Variants in SPRY3 observed in about 807,000 individuals in gnomAD.
The protein encoded by SPRY3 is sprouty RTK signaling antagonist 3.
In SPRY3, 15 loss-of-function variants were observed where a neutral mutation model predicts 20.2. That is an observed-to-expected ratio of 0.74 (90% confidence interval 0.50 to 1.14). SPRY3 has a LOEUF of 1.14. SPRY3 is among the 50% of genes most tolerant of loss of function. SPRY3 has a pLI of 0.00. For synonymous variants in SPRY3, 143 were observed against 136.5 expected (o/e 1.05, Z -0.33); for missense variants, 364 against 363.9 (o/e 1.00, Z 0.00).
chrX:155,715,288 G>C (rs1032609394), intron 2 of SPRY3, among the ~76,000 whole-genome samples: 6 of 152,066 alleles, frequency 3.9e-5, no homozygotes, highest in Non-Finnish European at 1.5e-5. Flanking sequence ...TAGTCAGCAG[G>C]TGATAAATCC....
intron 2 of SPRY3, among the ~76,000 whole-genome samples, chrX:155,764,473 A>C (rs2091316705): frequency 6.6e-6 from 1 of 152,176 alleles, no homozygotes; most frequent in South Asian, 2.1e-4. Flanking sequence ...GTTGTCTTTT[A>C]GAAACAAAAC....
intron 1 of SPRY3, among the ~76,000 whole-genome samples, chrX:155,653,258 T>C (rs1480828732): frequency 3.6e-5 from 4 of 111,914 alleles, no homozygotes; most frequent in African/African-American, 9.7e-5. Context: ...ATGAAGTCCA[T>C]TTTATGGTTT....
chrX:155,773,976 T>C (rs1246020263), exon 4 of SPRY3: 1 of 1,613,966 alleles, frequency 6.2e-7, no homozygotes, highest in Non-Finnish European at 8.5e-7. Flanking sequence ...CAGCCCCCTG[T>C]AAACAGGCCC....
At position 155,730,615 on chromosome X, in the gene SPRY3, CT is replaced by C. The variant is rs1399740638; in HGVS notation, c.-281-37340del. 2.0e-5 allele frequency among the ~76,000 whole-genome samples: 3 copies of C among 151,888 alleles called. No homozygotes were observed. The East Asian group carries it at 5.8e-4, about 29-fold the overall frequency. On this transcript the variant is annotated intron_variant, in intron 2 of 3. Coordinates refer to ENST00000675360, the Ensembl canonical transcript of SPRY3. The stretch of plus-strand genomic sequence containing the variant: ...TGGGGATCAGAACATGACAAGGATG[CT>C]TTTTTTCACCACTGTTACTAACGTA...
chrX:155,656,956 G>A (rs1320053987), exon 2 of SPRY3, among the ~76,000 whole-genome samples: 5 of 111,720 alleles, frequency 4.5e-5, no homozygotes, highest in South Asian at 3.8e-4. Context: ...ATTGCTGCCT[G>A]TTCCTTCCTC....
intron 2 of SPRY3, among the ~76,000 whole-genome samples, chrX:155,686,482 T>C (rs2068088364): frequency 8.9e-6 from 1 of 111,919 alleles, no homozygotes; most frequent in Non-Finnish European, 1.9e-5. Context: ...GTCTGAGGCG[T>C]AGGTGAAGAT....
intron 1 of SPRY3, among the ~76,000 whole-genome samples, chrX:155,644,150 A>G (rs1191053604): frequency 9.0e-6 from 1 of 110,716 alleles, no homozygotes; most frequent in Non-Finnish European, 1.9e-5. Flanking sequence ...CAGATATACT[A>G]TTCTAGGGTG....
Position 155,767,961 on chromosome X carries a change from G to C in SPRY3, c.-281-1G>C, listed in dbSNP as rs1173367216. 2 of 151,690 alleles carry C rather than the reference G, an allele frequency of 1.3e-5. No homozygotes were observed. Among genetic ancestry groups the C allele is most frequent in the East Asian group, 2.0e-4 (1 of 5,116 alleles). The allele number at this position is 151,690 out of a possible 1,614,324, so 9.4% of individuals were successfully genotyped here. ...TTTGTGTTTTCTCTGCTGTGTCAAA[G>C]AACAAGACAGAACTATCTCTGTTTC... On this transcript the variant is annotated splice_acceptor_variant, in intron 2 of 3. Transcript: ENST00000675360. LOFTEE classifies it low-confidence loss of function (5UTR_SPLICE).
Position 155,643,576 on chromosome X carries a change from A to AT in SPRY3, c.-440-13282dup, listed in dbSNP as rs781924258. ...TCCTTTCTTTCTTTTAGTGAAGGTGATTTTTTTTTCTGCTGGTATTATTTA... is the reference window on the plus strand; with the variant it reads ...TCCTTTCTTTCTTTTAGTGAAGGTGATTTTTTTTTTCTGCTGGTATTATTTA... On this transcript the variant is annotated intron_variant, in intron 1 of 3. Coordinates refer to ENST00000675360, the Ensembl canonical transcript of SPRY3. Among the ~76,000 whole-genome samples, 196 of 108,275 alleles carry AT rather than the reference A, an allele frequency of 1.8e-3. 1 individual carries two copies. The highest frequency in any genetic ancestry group is 6.2e-3 in the African/African-American group (184 of 29,804). The allele number at this position is 108,275 out of a possible 115,157, so 94.0% of individuals were successfully genotyped here.
chrX:155,769,274 T>C (rs1334277069), intron 3 of SPRY3, among the ~76,000 whole-genome samples: 3 of 152,020 alleles, frequency 2.0e-5, no homozygotes, highest in South Asian at 2.1e-4. Flanking sequence ...AGTTGAGGAG[T>C]TGAGTAGTGA....
chrX:155,721,806 A>T (rs1403595335), intron 2 of SPRY3, among the ~76,000 whole-genome samples: 1 of 152,176 alleles, frequency 6.6e-6, no homozygotes. Flanking sequence ...AAGAAATGCT[A>T]AACAGGGTAA....
At chrX:155,735,561 G>A (rs1317063240) in intron 2 of SPRY3, among the ~76,000 whole-genome samples, 3 of 151,880 alleles carry the variant, frequency 2.0e-5, no homozygotes, top group Admixed American at 2.0e-4. Context: ...ATTATGTAAT[G>A]GCCATTTTTA....
intron 2 of SPRY3, among the ~76,000 whole-genome samples, chrX:155,735,290 G>T (rs1458905315): frequency 2.6e-5 from 4 of 151,902 alleles, no homozygotes. Context: ...CTTGATAAAT[G>T]TTCCACATTT....
At chrX:155,649,696 T>C (rs782645135) in intron 1 of SPRY3, among the ~76,000 whole-genome samples, 27 of 111,548 alleles carry the variant, frequency 2.4e-4, no homozygotes, top group Admixed American at 4.8e-4. Flanking sequence ...AGCATTCCCT[T>C]TGAAAATCGG....
At chrX:155,662,206 T>G (rs1208297927) in intron 2 of SPRY3, among the ~76,000 whole-genome samples, 1 of 111,299 alleles carries the variant, frequency 9.0e-6, no homozygotes, top group Non-Finnish European at 1.9e-5. Flanking sequence ...TGGATGAGAC[T>G]TTTTGTTTCC....
chrX:155,662,460 G>A (rs782595767), intron 2 of SPRY3, among the ~76,000 whole-genome samples: 20 of 110,242 alleles, frequency 1.8e-4, no homozygotes, highest in Non-Finnish European at 3.8e-4. Context: ...CTCATTCTCC[G>A]GCACAAGCAT....
At chrX:155,734,336 T>A (rs1364562243) in intron 2 of SPRY3, among the ~76,000 whole-genome samples, 1 of 151,940 alleles carries the variant, frequency 6.6e-6, no homozygotes, top group Non-Finnish European at 1.5e-5. Flanking sequence ...AGGAAAGAGA[T>A]GAGGGATGGC....
chrX:155,712,517 G>A (rs1056385817), intron 2 of SPRY3, among the ~76,000 whole-genome samples: 2 of 151,774 alleles, frequency 1.3e-5, no homozygotes, highest in Non-Finnish European at 2.9e-5. Flanking sequence ...GCTCTTTTTG[G>A]TTTCATTGGC....
At chrX:155,705,895 T>A (rs1399135767) in intron 2 of SPRY3, among the ~76,000 whole-genome samples, 1 of 151,284 alleles carries the variant, frequency 6.6e-6, no homozygotes, top group Non-Finnish European at 1.5e-5. Context: ...TTACTGAAAT[T>A]GAAGAATACA....
Sources: allele counts gnomAD v4.1 joint callset (sites outside exome capture counted in the v4.1 genomes callset), GRCh38; gene constraint gnomAD v4.1.1; transcripts MANE v1.5; gene names NCBI Gene and HGNC (gene_info 2026-07-23, HGNC 2026-07-21).